STAT3: variants seen among roughly 807,000 people sequenced by gnomAD.
The protein encoded by STAT3 is signal transducer and activator of transcription 3, also known as DNA-binding protein APRF.
A neutral mutation model predicts 114.3 loss-of-function variants in STAT3; 7 were observed. That is an observed-to-expected ratio of 0.06 (90% confidence interval 0.03 to 0.11). The LOEUF (loss-of-function observed/expected upper bound fraction) is 0.11. Among genes scored for constraint, STAT3 ranks in the 10% least tolerant of loss-of-function variants. The probability of loss-of-function intolerance (pLI) is 1.00; values close to 1 mark genes in which losing one functional copy is unlikely to be tolerated. For missense variants in STAT3, 364 were observed against 960.9 expected (o/e 0.38, Z 8.21); for synonymous variants, 331 against 354.5 (o/e 0.93, Z 0.74).
intron 21 of STAT3, among the ~76,000 whole-genome samples, chr17:42,317,878 A>T: frequency 6.6e-6 from 1 of 152,218 alleles, no homozygotes; most frequent in South Asian, 2.1e-4. Context: ...CAACTAGAAG[A>T]CCGGAGACCT....
chr17:42,322,549 G>A, intron 20 of STAT3, 55 bp from the exon 21 acceptor site: 1 of 1,596,362 alleles, frequency 6.3e-7, no homozygotes, highest in Non-Finnish European at 8.6e-7. Context: ...GGTCATCTCA[G>A]AGAAAACTGC....
At position 42,365,639 on chromosome 17, in the gene STAT3, GT is replaced by G. The variant is rs11440924; in HGVS notation, c.-23-17101del. On this transcript the variant is annotated intron_variant, in intron 1 of 23. Transcript: ENST00000264657. The stretch of plus-strand genomic sequence containing the variant: ...TAAAGGAAGAGGCTTTGCTGTTAAA[GT>G]TTTTTTTTTTTGTTTTTTTTTGTTT... 1.8e-4 allele frequency among the ~76,000 whole-genome samples: 25 copies of G among 139,080 alleles called. 1 individual carries two copies. The highest frequency in any genetic ancestry group is 1.6e-3 in the South Asian group (7 of 4,476). 91.2% of individuals were successfully genotyped at this position (139,080 alleles called of 152,430 possible). A position where few individuals can be genotyped will look rare whatever the true frequency, so the allele number is the denominator to read the frequency against.
chr17:42,317,304 G>T, intron 21 of STAT3, 80 bp from the exon 22 acceptor site: 1 of 1,509,328 alleles, frequency 6.6e-7, no homozygotes, highest in Admixed American at 1.8e-5. Context: ...CATCTGCCTC[G>T]GCAGGACTGA....
chr17:42,325,721 T>C (rs9896889), intron 15 of STAT3, among the ~76,000 whole-genome samples: 32,580 of 151,952 alleles, frequency 0.21, 3,889 homozygotes, highest in East Asian at 0.36. Context: ...TCCGCCACCA[T>C]ACCCAGCTAA....
At chr17:42,321,309 T>C (rs1450399275) in intron 21 of STAT3, among the ~76,000 whole-genome samples, 1 of 151,596 alleles carries the variant, frequency 6.6e-6, no homozygotes, top group Non-Finnish European at 1.5e-5. Context: ...TATTTTTGTA[T>C]AGATAGGGTC....
rs985653290 is a variant in STAT3, at chr17:42,324,147, C to T, written c.1601-522G>A. 1.3e-5 allele frequency among the ~76,000 whole-genome samples: 2 copies of T among 151,996 alleles called. No individual in the cohort carries two copies. The highest frequency in any genetic ancestry group is 2.9e-5 in the Non-Finnish European group (2 of 68,002). ...TATCCTGGCCAACATGGTAAAACCC[C>T]GTCTCTACTAAAAATACAAAAATTA... On this transcript the variant is annotated intron_variant, in intron 17 of 23. Coordinates refer to ENST00000264657, the MANE Select transcript of STAT3 (RefSeq NM_139276.3). The surrounding 1 kb of genome is among the most constrained non-coding windows in gnomAD (Gnocchi z 4.5).
intron 23 of STAT3, chr17:42,316,163 C>A: frequency 1.1e-6 from 1 of 935,076 alleles, no homozygotes; most frequent in Non-Finnish European, 1.4e-6. Context: ...CTGTGGCTGT[C>A]AAAAGCCCAC....
chr17:42,370,016 G>A (rs955095182), intron 1 of STAT3, among the ~76,000 whole-genome samples: 2 of 152,026 alleles, frequency 1.3e-5, no homozygotes, highest in African/African-American at 4.8e-5. Context: ...CTGTCGCCCA[G>A]ACTAGAGTGC....
chr17:42,349,678 A>C (rs2082851192), intron 1 of STAT3, among the ~76,000 whole-genome samples: 1 of 152,246 alleles, frequency 6.6e-6, no homozygotes. Context: ...TGGTATGAGA[A>C]ACCCAGCCAG....
chr17:42,384,604 G>C (rs1211645340), intron 1 of STAT3, among the ~76,000 whole-genome samples: 1 of 151,824 alleles, frequency 6.6e-6, no homozygotes, highest in African/African-American at 2.4e-5. Flanking sequence ...ACCCAGGCTG[G>C]AGTGCGGTGG....
chr17:42,378,743 T>A (rs2084612972), intron 1 of STAT3, among the ~76,000 whole-genome samples: 1 of 152,208 alleles, frequency 6.6e-6, no homozygotes, highest in South Asian at 2.1e-4. Flanking sequence ...AATATTGCAC[T>A]TTGTTTGGTT....
At chr17:42,319,010 G>A (rs538973904) in intron 21 of STAT3, among the ~76,000 whole-genome samples, 1 of 152,276 alleles carries the variant, frequency 6.6e-6, no homozygotes, top group East Asian at 1.9e-4. Context: ...GGAGGCTGAA[G>A]CAGGTGGATC....
In STAT3 at chr17:42,346,564, C is replaced by T; in HGVS notation, c.273+5G>A. 6.2e-7 allele frequency: 1 copy of T among 1,614,134 alleles called. No individual in the cohort carries two copies. On this transcript the variant is annotated splice_donor_5th_base_variant and intron_variant, in intron 3 of 23. Transcript: ENST00000264657. ...TTTCTCCTTGTCCTCAGTTTCTCAT[C>T]ATACCTGAAGAAACTGCTTGATTCT...
intron 1 of STAT3, among the ~76,000 whole-genome samples, chr17:42,376,656 C>T (rs574023205): frequency 1.5e-3 from 232 of 151,644 alleles, no homozygotes; most frequent in Non-Finnish European, 1.8e-3. Flanking sequence ...ACCATCCTGG[C>T]TAACATGGTG....
chr17:42,346,810 C>T (rs2082717655), intron 2 of STAT3, 97 bp from the exon 3 acceptor site: 1 of 1,541,240 alleles, frequency 6.5e-7, no homozygotes, highest in Non-Finnish European at 8.9e-7. Flanking sequence ...AACAAAAAAA[C>T]AAAGCAAACC....
chr17:42,325,116 G>C, intron 15 of STAT3, 55 bp from the exon 16 acceptor site: 1 of 1,538,154 alleles, frequency 6.5e-7, no homozygotes, highest in Non-Finnish European at 9.0e-7. Flanking sequence ...CACAGCCTTG[G>C]AAATCTCTTC....
In STAT3 at chr17:42,320,666, T is replaced by A. The variant is rs1429686064; in HGVS notation, c.2101+1616A>T. Among the ~76,000 whole-genome samples, 7 of 144,694 alleles carry A rather than the reference T, an allele frequency of 4.8e-5. No individual in the cohort carries two copies. The Admixed American group carries it at 4.9e-4, about 10-fold the overall frequency. 94.9% of individuals were successfully genotyped at this position (144,694 alleles called of 152,430 possible). On this transcript the variant is annotated intron_variant, in intron 21 of 23. Transcript: ENST00000264657. ...AATTGCTTGAACCGGGAGGTGGAGG[T>A]TGCAGTGAGCCGAGATGGTGCCACT...
chr17:42,388,066 G>A (rs1424812774), intron 1 of STAT3: 1 of 553,250 alleles, frequency 1.8e-6, no homozygotes, highest in East Asian at 3.5e-5. Context: ...TCCGAAGAAC[G>A]AAACTTCCCT....
At chr17:42,352,107 G>A (rs567989174) in intron 1 of STAT3, among the ~76,000 whole-genome samples, 9 of 152,132 alleles carry the variant, frequency 5.9e-5, no homozygotes, top group South Asian at 2.1e-4. Context: ...TTGGGAGGCC[G>A]AGGCGGGTGG....
Sources: gnomAD v4.1 joint callset for allele counts (sites outside exome capture counted in the v4.1 genomes callset) on GRCh38, gnomAD v4.1.1 for gene constraint, Gnocchi (gnomAD v3.1) non-coding constraint, MANE v1.5 for transcripts, NCBI Gene and HGNC (gene_info 2026-07-23, HGNC 2026-07-21) for gene names.